NLGN1: variants seen among roughly 807,000 people sequenced by gnomAD.
NLGN1 encodes the protein neuroligin-1.
Under a neutral mutation model 65.5 loss-of-function variants are expected in NLGN1, and 12 were observed. The ratio of observed to expected loss-of-function variants is 0.18; its 90% CI spans 0.12 to 0.30. The LOEUF is 0.30. Among genes scored for constraint, NLGN1 ranks in the 10% least tolerant of loss-of-function variants. The pLI is 1.00. For synonymous variants in NLGN1, 350 were observed against 359.5 expected (o/e 0.97, Z 0.30); for missense variants, 750 against 1,007.1 (o/e 0.74, Z 3.46).
chr3:173,718,715 C>T (rs1770295956), intron 3 of NLGN1, among the ~76,000 whole-genome samples: 1 of 152,148 alleles, frequency 6.6e-6, no homozygotes, highest in Non-Finnish European at 1.5e-5. Flanking sequence ...GCATCATCTA[C>T]TTGTGTGATC....
At chr3:174,067,611 A>C (rs1250449589) in intron 4 of NLGN1, among the ~76,000 whole-genome samples, 4 of 152,074 alleles carry the variant, frequency 2.6e-5, no homozygotes, top group Admixed American at 1.3e-4. Context: ...GGTCTCCTCT[A>C]CTCTGATGGG....
chr3:173,847,745 G>A (rs929841559), intron 4 of NLGN1, among the ~76,000 whole-genome samples: 12 of 152,028 alleles, frequency 7.9e-5, no homozygotes, highest in Admixed American at 1.3e-4. Flanking sequence ...GGTGGCATGC[G>A]CCTGTAGTCC....
chr3:173,541,439 G>C (rs1469370884), intron 2 of NLGN1, among the ~76,000 whole-genome samples: 3 of 152,060 alleles, frequency 2.0e-5, no homozygotes, highest in Non-Finnish European at 4.4e-5. Flanking sequence ...AAGAGAGAGG[G>C]TAGGAACATT....
intron 4 of NLGN1, among the ~76,000 whole-genome samples, chr3:173,908,496 A>G (rs953157376): frequency 6.6e-6 from 1 of 152,184 alleles, no homozygotes; most frequent in Non-Finnish European, 1.5e-5. Context: ...AGAGTTGTTT[A>G]TTATATTTAA....
intron 4 of NLGN1, among the ~76,000 whole-genome samples, chr3:174,232,160 A>T (rs543400060): frequency 6.6e-6 from 1 of 152,230 alleles, no homozygotes; most frequent in East Asian, 1.9e-4. Context: ...GGGCCGTTTT[A>T]TAGGATTTGG....
chr3:173,726,958 A>T (rs1452111415), intron 3 of NLGN1, among the ~76,000 whole-genome samples: 1 of 151,876 alleles, frequency 6.6e-6, no homozygotes, highest in Non-Finnish European at 1.5e-5. Flanking sequence ...AAAAAAGAAG[A>T]AGAAGAAGAA....
intron 4 of NLGN1, among the ~76,000 whole-genome samples, chr3:174,204,129 C>T (rs974032462): frequency 6.6e-6 from 1 of 152,096 alleles, no homozygotes; most frequent in Admixed American, 6.5e-5. Flanking sequence ...ATGTGTTTTT[C>T]TCCAAATCTT....
At chr3:174,027,890 C>T (rs1729157893) in intron 4 of NLGN1, among the ~76,000 whole-genome samples, 1 of 152,200 alleles carries the variant, frequency 6.6e-6, no homozygotes, top group East Asian at 1.9e-4. Context: ...GTGATAATCT[C>T]CATGTGTCAA....
At chr3:173,433,102 A>G (rs1717485923) in intron 1 of NLGN1, among the ~76,000 whole-genome samples, 1 of 152,196 alleles carries the variant, frequency 6.6e-6, no homozygotes, top group Admixed American at 6.5e-5. Context: ...TTAATGAGAA[A>G]CATGGCTTTT....
chr3:173,479,887 A>G (rs1726953652), intron 2 of NLGN1, among the ~76,000 whole-genome samples: 2 of 152,268 alleles, frequency 1.3e-5, no homozygotes, highest in African/African-American at 2.4e-5. Flanking sequence ...ATTTTTTTGT[A>G]GAGTTGTAAA....
intron 4 of NLGN1, among the ~76,000 whole-genome samples, chr3:174,203,557 A>T (rs551325667): frequency 6.6e-6 from 1 of 152,170 alleles, no homozygotes; most frequent in South Asian, 2.1e-4. Context: ...ATGCTGCTAC[A>T]GCTGCAGAAG....
rs554371401 is a variant in NLGN1 at position 173,924,635 on chromosome 3, A to T, written c.646+116803A>T. ...ATAACCCTGTCTCAAAAAAAAAAAT[A>T]AAAATAAAAATAAAAATTCAATTAG... On this transcript the variant is annotated intron_variant, in intron 4 of 6. Coordinates refer to ENST00000457714, the Ensembl canonical transcript of NLGN1. 2.3e-3 allele frequency among the ~76,000 whole-genome samples: 348 copies of T among 151,464 alleles called. 1 individual carries two copies. The highest frequency in any genetic ancestry group is 8.1e-3 in the African/African-American group (331 of 41,086).
At chr3:173,470,491 A>G (rs1725130134) in intron 2 of NLGN1, among the ~76,000 whole-genome samples, 1 of 152,084 alleles carries the variant, frequency 6.6e-6, no homozygotes, top group Admixed American at 6.6e-5. Context: ...CGCTTGTAGC[A>G]GAGGGACTAA....
At chr3:173,497,105 C>T (rs979809272) in intron 2 of NLGN1, among the ~76,000 whole-genome samples, 4 of 151,854 alleles carry the variant, frequency 2.6e-5, no homozygotes, top group Non-Finnish European at 5.9e-5. Flanking sequence ...TTATTTAGGC[C>T]AGGTGCGGTG....
chr3:173,443,557 G>A (rs1719623898), intron 2 of NLGN1, among the ~76,000 whole-genome samples: 1 of 151,974 alleles, frequency 6.6e-6, no homozygotes, highest in Non-Finnish European at 1.5e-5. Flanking sequence ...GTATCAATAA[G>A]GATGCACACA....
intron 3 of NLGN1, among the ~76,000 whole-genome samples, chr3:173,763,417 T>G (rs1055814062): frequency 1.3e-5 from 2 of 152,134 alleles, no homozygotes; most frequent in East Asian, 3.8e-4. Context: ...GACATGTAAT[T>G]TCATGCCCTG....
rs150386318 is a variant in NLGN1 at position 174,275,884 on chromosome 3, A to G, written c.859+357A>G. On this transcript the variant is annotated intron_variant, in intron 5 of 6. Coordinates refer to ENST00000457714, the Ensembl canonical transcript of NLGN1. ...CAAAATCAAAGATGAGACTTTTTAC[A>G]TGCAGGGATTGTATATAATCTATTT... Among the ~76,000 whole-genome samples, 157 of 152,030 alleles carry G rather than the reference A, an allele frequency of 1.0e-3. No homozygotes were observed. In the East Asian group the frequency reaches 0.017, roughly 17 times the overall value.
chr3:173,846,897 G>A (rs866793380), intron 4 of NLGN1, among the ~76,000 whole-genome samples: 1 of 152,188 alleles, frequency 6.6e-6, no homozygotes. Flanking sequence ...TGTGAATAGT[G>A]GACAAGCATT....
chr3:173,760,125 A>G (rs1777751590), intron 3 of NLGN1, among the ~76,000 whole-genome samples: 1 of 151,872 alleles, frequency 6.6e-6, no homozygotes, highest in Non-Finnish European at 1.5e-5. Context: ...CTATAAAATC[A>G]CCTCTTTCAC....
Sources: allele counts gnomAD v4.1 joint callset (sites outside exome capture counted in the v4.1 genomes callset), GRCh38; gene constraint gnomAD v4.1.1; transcripts MANE v1.5; gene names NCBI Gene and HGNC (gene_info 2026-07-23, HGNC 2026-07-21).